Variants in FLT3 observed in about 807,000 individuals in gnomAD.
The protein encoded by FLT3 is receptor-type tyrosine-protein kinase FLT3.
FLT3 carries 46 observed loss-of-function variants against 126.6 expected under a neutral mutation model. The ratio of observed to expected loss-of-function variants is 0.36; its 90% CI spans 0.29 to 0.46. The LOEUF (loss-of-function observed/expected upper bound fraction) is 0.46. Ranked by LOEUF, FLT3 falls within the 20% of genes least tolerant of loss-of-function variation. FLT3 has a pLI of 1.00. For synonymous variants in FLT3, 404 were observed against 434.4 expected (o/e 0.93, Z 0.87); for missense variants, 1,069 against 1,190.3 (o/e 0.90, Z 1.50).
At chr13:28,019,071 A>G (rs2504225) in intron 19 of FLT3, among the ~76,000 whole-genome samples, 72,253 of 151,018 alleles carry the variant, frequency 0.48, 18,612 homozygotes, top group East Asian at 0.69. Flanking sequence ...AGGTTCAAGC[A>G]ATTCTCCTGC....
At chr13:28,014,604 A>G in intron 22 of FLT3, 47 bp from the exon 23 acceptor site, 1 of 1,253,252 alleles carries the variant, frequency 8.0e-7, no homozygotes, top group Non-Finnish European at 1.2e-6. Context: ...GTCTGAATGA[A>G]GCAAAATGGA....
rs1441692439 is a variant in FLT3, at chr13:28,070,588, C to G, written c.68G>C (p.Gly23Ala). 1 of 1,601,250 alleles carries G rather than the reference C, an allele frequency of 6.2e-7. No homozygotes were observed. The highest frequency in any genetic ancestry group is 8.5e-7 in the Non-Finnish European group (1 of 1,169,972). Reference protein sequence around the residue: ...LLVVFSAMIFGTITNQDLPVI... With the variant: ...LLVVFSAMIFATITNQDLPVI... ...AGGCAGATCTTGATTTGTAATAGTC[C>G]CAAATATCATTGCAGAAAAAACAAC... The change falls in exon 2 of 24, where the codon GGG (glycine) becomes GCG (alanine). Residue 23 changes from glycine to alanine, a missense_variant. Transcript: ENST00000241453.
intron 15 of FLT3, among the ~76,000 whole-genome samples, chr13:28,029,853 T>C (rs1474783580): frequency 6.6e-6 from 1 of 152,166 alleles, no homozygotes; most frequent in Non-Finnish European, 1.5e-5. Context: ...TCCAGATAGC[T>C]CAGCAAACTG....
chr13:28,021,297 G>A (rs951910448), intron 19 of FLT3, among the ~76,000 whole-genome samples: 1 of 152,338 alleles, frequency 6.6e-6, no homozygotes, highest in South Asian at 2.1e-4. Context: ...AGCCAAGGCA[G>A]GAGGATCGCT....
chr13:28,015,362 T>A, intron 21 of FLT3, 106 bp from the exon 22 acceptor site: 2 of 838,476 alleles, frequency 2.4e-6, no homozygotes, highest in African/African-American at 1.7e-5. Flanking sequence ...CAGACACTGT[T>A]GCAGGCACAC....
chr13:28,004,599 C>T (rs972573222), intron 23 of FLT3, among the ~76,000 whole-genome samples: 1 of 152,122 alleles, frequency 6.6e-6, no homozygotes, highest in Admixed American at 6.6e-5. Flanking sequence ...TGAGCCACTA[C>T]GCCCGGCCTA....
At chr13:28,047,807 A>G (rs940608654) in intron 9 of FLT3, among the ~76,000 whole-genome samples, 1 of 152,222 alleles carries the variant, frequency 6.6e-6, no homozygotes, top group Non-Finnish European at 1.5e-5. Flanking sequence ...TCCCGAGGAA[A>G]ACAACATTTT....
chr13:28,024,133 CTTTCTT>C (rs1872623480), intron 18 of FLT3, among the ~76,000 whole-genome samples: 1 of 143,280 alleles, frequency 7.0e-6, no homozygotes. Flanking sequence ...TTTTTTCTTT[CTTTCTT>C]TTTTTTTTTT....
chr13:28,072,691 T>A (rs1309052951), intron 1 of FLT3, among the ~76,000 whole-genome samples: 1 of 151,532 alleles, frequency 6.6e-6, no homozygotes, highest in African/African-American at 2.4e-5. Flanking sequence ...CCACTGTGCC[T>A]GGCCAAGATC....
At chr13:28,062,392 A>G (rs1485655498) in intron 2 of FLT3, among the ~76,000 whole-genome samples, 1 of 152,128 alleles carries the variant, frequency 6.6e-6, no homozygotes, top group Admixed American at 6.6e-5. Context: ...TTACAGTGGT[A>G]ATCAAGTTAA....
At chr13:28,015,956 T>C (rs1871816774) in intron 20 of FLT3, among the ~76,000 whole-genome samples, 1 of 152,210 alleles carries the variant, frequency 6.6e-6, no homozygotes, top group African/African-American at 2.4e-5. Flanking sequence ...AAGTTTAACT[T>C]GCCATCTTTC....
chr13:28,065,160 G>A (rs193102040), intron 2 of FLT3, among the ~76,000 whole-genome samples: 1 of 152,234 alleles, frequency 6.6e-6, no homozygotes, highest in Admixed American at 6.5e-5. Context: ...GGTCACTTGT[G>A]CACAATAAAT....
At chr13:28,050,332 CA>C in intron 5 of FLT3, 110 bp from the exon 6 acceptor site, 1 of 955,212 alleles carries the variant, frequency 1.0e-6, no homozygotes, top group Non-Finnish European at 1.6e-6. Flanking sequence ...AAATGGTAAA[CA>C]AAAGGTCAAA....
chr13:28,035,925 T>C lies in FLT3; in HGVS notation c.1418+10A>G, dbSNP rs747873488. The C allele has an allele frequency of 3.8e-6, 6 of 1,591,626 alleles. No individual in the cohort carries two copies. The highest frequency in any genetic ancestry group is 5.2e-6 in the Non-Finnish European group (6 of 1,159,458). On this transcript the variant is annotated intron_variant, in intron 11 of 23. Coordinates refer to ENST00000241453, the MANE Select transcript of FLT3 (RefSeq NM_004119.3). The stretch of plus-strand genomic sequence containing the variant: ...TCTTCCATTATAAGAGGCATCAATG[T>C]CCTTATTACTTGGGAGACTTGTCTG...
chr13:28,071,618 C>T (rs551106834), intron 1 of FLT3, among the ~76,000 whole-genome samples: 1 of 152,240 alleles, frequency 6.6e-6, no homozygotes, highest in Admixed American at 6.5e-5. Context: ...ATCCTAAGCT[C>T]TATGATGTGG....
rs1175478687 is a variant in FLT3, at chr13:28,009,282, C to T, written c.2860-5108G>A. Reference sequence around the variant, plus strand: ...TGTTACGTTTCTATCTCACCCATATCGTTCTTACATTTTTAACACCCACAT... The same window carrying T: ...TGTTACGTTTCTATCTCACCCATATTGTTCTTACATTTTTAACACCCACAT... On this transcript the variant is annotated intron_variant, in intron 23 of 23. Transcript: ENST00000241453. 3 of 152,338 alleles carry T rather than the reference C, an allele frequency of 2.0e-5. No individual in the cohort carries two copies. In the East Asian group the frequency reaches 5.8e-4, roughly 29 times the overall value. The allele number at this position is 152,338 out of a possible 1,614,324, so 9.4% of individuals were successfully genotyped here. A position where few individuals can be genotyped will look rare whatever the true frequency, so the allele number is the denominator to read the frequency against.
At chr13:28,044,757 A>G (rs1037121688) in intron 9 of FLT3, among the ~76,000 whole-genome samples, 1 of 152,206 alleles carries the variant, frequency 6.6e-6, no homozygotes, top group Non-Finnish European at 1.5e-5. Flanking sequence ...GAACTTTCAA[A>G]TAACAATAAA....
chr13:28,084,719 T>TA (rs1265089490), intron 1 of FLT3, among the ~76,000 whole-genome samples: 1 of 152,182 alleles, frequency 6.6e-6, no homozygotes, highest in African/African-American at 2.4e-5. Flanking sequence ...CTCATGCCTG[T>TA]AATCCCAGCA....
In FLT3 at chr13:28,004,077, G is replaced by A. The variant is rs587778369; in HGVS notation, c.2957C>T (p.Pro986Leu). 33 of 1,613,958 alleles carry A rather than the reference G, an allele frequency of 2.0e-5. No homozygotes were observed. Among genetic ancestry groups the A allele is most frequent in the East Asian group, 6.7e-5 (3 of 44,892 alleles). Reference sequence around the variant, plus strand: ...CTACGAATCTTCGACCTGAGCCTGCGGAGAGAGTAGCCCCAAATCCATCTC... The same window carrying A: ...CTACGAATCTTCGACCTGAGCCTGCAGAGAGAGTAGCCCCAAATCCATCTC... ...SREMDLGLLS[P>L]QAQVEDS The change falls in exon 24 of 24, where the codon CCG (proline) becomes CTG (leucine). Residue 986 changes from proline to leucine, a missense_variant. Coordinates refer to ENST00000241453, the MANE Select transcript of FLT3 (RefSeq NM_004119.3).
Sources: allele counts gnomAD v4.1 joint callset (sites outside exome capture counted in the v4.1 genomes callset), GRCh38; gene constraint gnomAD v4.1.1; transcripts MANE v1.5; gene names NCBI Gene and HGNC (gene_info 2026-07-23, HGNC 2026-07-21).